Variants in CSMD3 observed in about 807,000 individuals in gnomAD.
The protein encoded by CSMD3 is CUB and Sushi multiple domains 3.
In CSMD3, 177 loss-of-function variants were observed where a neutral mutation model predicts 435.2. The observed-to-expected ratio is 0.41, with a 90% confidence interval of 0.36 to 0.46. CSMD3 has a LOEUF of 0.46. CSMD3 is among the 20% of genes least tolerant of loss of function. CSMD3 has a pLI of 0.34. For missense variants in CSMD3, 4,265 were observed against 4,504.6 expected (o/e 0.95, Z 1.52); for synonymous variants, 1,656 against 1,520.5 (o/e 1.09, Z -2.07).
At chr8:113,200,338 T>C (rs1048140603) in intron 3 of CSMD3, among the ~76,000 whole-genome samples, 1 of 151,870 alleles carries the variant, frequency 6.6e-6, no homozygotes, top group Non-Finnish European at 1.5e-5. Context: ...TGCTGCAATA[T>C]GCCCCTACTT....
At chr8:113,271,758 T>A (rs1588417974) in intron 3 of CSMD3, among the ~76,000 whole-genome samples, 1 of 152,078 alleles carries the variant, frequency 6.6e-6, no homozygotes, top group East Asian at 1.9e-4. Context: ...AGGGCCACCA[T>A]CATCCAGACC....
intron 1 of CSMD3, among the ~76,000 whole-genome samples, chr8:113,353,263 A>AG (rs1276735233): frequency 3.3e-5 from 5 of 152,200 alleles, no homozygotes; most frequent in Non-Finnish European, 7.3e-5. Flanking sequence ...AAAGTCCCTC[A>AG]GAGGAAGAGA....
At chr8:113,095,361 T>C (rs1350878399) in intron 5 of CSMD3, among the ~76,000 whole-genome samples, 2 of 152,172 alleles carry the variant, frequency 1.3e-5, no homozygotes, top group Non-Finnish European at 2.9e-5. Flanking sequence ...TCTTGCAAAA[T>C]TCCCTGAACA....
intron 11 of CSMD3, among the ~76,000 whole-genome samples, chr8:112,855,584 G>C (rs769211326): frequency 5.3e-5 from 8 of 151,902 alleles, no homozygotes; most frequent in Non-Finnish European, 1.2e-4. Context: ...CAAATAGAGG[G>C]ATGAAAAAAT....
intron 12 of CSMD3, among the ~76,000 whole-genome samples, chr8:112,824,410 A>G (rs1318350215): frequency 2.6e-5 from 4 of 152,000 alleles, no homozygotes; most frequent in Non-Finnish European, 5.9e-5. Flanking sequence ...TTTGGTCTTC[A>G]TATTTTGGTG....
At chr8:112,462,490 G>A (rs1043548669) in intron 32 of CSMD3, among the ~76,000 whole-genome samples, 2 of 151,994 alleles carry the variant, frequency 1.3e-5, no homozygotes, top group Admixed American at 6.6e-5. Context: ...ATAAACATCG[G>A]CACTTATACA....
chr8:112,933,591 AG>A (rs2083186419), intron 9 of CSMD3, among the ~76,000 whole-genome samples: 1 of 152,180 alleles, frequency 6.6e-6, no homozygotes, highest in South Asian at 2.1e-4. Flanking sequence ...AGATCAGAGA[AG>A]GGTTCTATAT....
At chr8:112,503,691 A>G (rs1822212978) in intron 30 of CSMD3, 99 bp downstream of exon 30, 2 of 801,158 alleles carry the variant, frequency 2.5e-6, no homozygotes, top group African/African-American at 1.7e-5. Flanking sequence ...AAAAATACAC[A>G]TAAAACTAAC....
chr8:112,346,287 C>A (rs1419123509), intron 40 of CSMD3, 74 bp from the exon 41 acceptor site: 57 of 945,908 alleles, frequency 6.0e-5, no homozygotes, highest in Middle Eastern at 4.1e-4. Flanking sequence ...ATATTAAAAT[C>A]ATTTCACGTT....
Position 112,517,154 on chromosome 8 carries a change from G to T in CSMD3, c.4636C>A (p.Pro1546Thr). Residue 1546 changes from proline (P) to threonine (T), a missense_variant, in exon 28 of 71, where the codon CCT (proline) becomes ACT (threonine). Pro to Thr is a conservative substitution (Grantham distance 38, BLOSUM62 -1). Transcript: ENST00000297405. Reference protein sequence around the residue: ...NGTRNGDGREPGDTVVFQCDP... With the variant: ...NGTRNGDGRETGDTVVFQCDP... ...CATTGAAAAACAACAGTGTCCCCAG[G>T]TTCTCTTCCATCCCCATTTCGAGTC... 6.2e-7 allele frequency: 1 copy of T among 1,613,676 alleles called. No homozygotes were observed.
intron 42 of CSMD3, among the ~76,000 whole-genome samples, chr8:112,340,642 A>G (rs1586816633): frequency 6.6e-6 from 1 of 152,232 alleles, no homozygotes; most frequent in East Asian, 1.9e-4. Flanking sequence ...ATTAGAAATA[A>G]ACTTTATTAT....
chr8:113,317,534 C>G (rs1439709982), intron 1 of CSMD3, among the ~76,000 whole-genome samples: 3 of 152,136 alleles, frequency 2.0e-5, no homozygotes, highest in Admixed American at 6.5e-5. Context: ...ATTTAAACTT[C>G]CTTATCTGTA....
Position 112,263,317 on chromosome 8 carries a change from A to G in CSMD3, c.9862+322T>C, listed in dbSNP as rs115047245. 4.7e-3 allele frequency among the ~76,000 whole-genome samples: 709 copies of G among 152,264 alleles called. 8 individuals are homozygous for G. Among genetic ancestry groups the G allele is most frequent in the African/African-American group, 0.016 (671 of 41,564 alleles). ...TATTGCCGAAAAAGATTTGGGAACA[A>G]ATTTCAGAGTATTCGGCTAAGACAA... On this transcript the variant is annotated intron_variant, in intron 61 of 70. Transcript: ENST00000297405.
chr8:113,266,018 G>A (rs1162192960), intron 3 of CSMD3, among the ~76,000 whole-genome samples: 1 of 151,236 alleles, frequency 6.6e-6, no homozygotes, highest in African/African-American at 2.4e-5. Flanking sequence ...CTAGCAAACT[G>A]TTTAATAAAT....
Position 113,064,123 on chromosome 8 carries a change from T to C in CSMD3, c.917+34633A>G, listed in dbSNP as rs73702283. Among the ~76,000 whole-genome samples the C allele has an allele frequency of 7.8e-3, 1,176 of 151,472 alleles. 18 individuals are homozygous for C. Among genetic ancestry groups the C allele is most frequent in the African/African-American group, 0.027 (1,126 of 41,098 alleles). ...TGCCTAAAATTCATTGCTTAAACTATACTATTTATTATAGTTACAATGACA... is the reference window on the plus strand; with the variant it reads ...TGCCTAAAATTCATTGCTTAAACTACACTATTTATTATAGTTACAATGACA... On this transcript the variant is annotated intron_variant, in intron 5 of 70. Transcript: ENST00000297405.
At chr8:112,388,782 G>A (rs757667794) in intron 36 of CSMD3, among the ~76,000 whole-genome samples, 6 of 152,054 alleles carry the variant, frequency 3.9e-5, no homozygotes, top group Admixed American at 6.5e-5. Flanking sequence ...TATGATTTAC[G>A]TCCTCGACAT....
At chr8:112,719,956 G>C (rs2076821153) in intron 13 of CSMD3, among the ~76,000 whole-genome samples, 2 of 152,156 alleles carry the variant, frequency 1.3e-5, no homozygotes, top group Non-Finnish European at 2.9e-5. Context: ...AATTAGGTAA[G>C]ATTTAAAAAG....
chr8:112,563,756 C>T (rs1828840070), intron 24 of CSMD3, among the ~76,000 whole-genome samples: 1 of 152,000 alleles, frequency 6.6e-6, no homozygotes, highest in Admixed American at 6.6e-5. Flanking sequence ...TTATAAGTTT[C>T]AATTTCTGCA....
intron 3 of CSMD3, among the ~76,000 whole-genome samples, chr8:113,273,676 C>T (rs1408330326): frequency 6.6e-6 from 1 of 152,124 alleles, no homozygotes; most frequent in Admixed American, 6.6e-5. Flanking sequence ...AGATAAAGGA[C>T]AATGGGACTA....
Sources: gnomAD v4.1 joint callset for allele counts (sites outside exome capture counted in the v4.1 genomes callset) on GRCh38, gnomAD v4.1.1 for gene constraint, MANE v1.5 for transcripts, NCBI Gene and HGNC (gene_info 2026-07-23, HGNC 2026-07-21) for gene names.